PCDH15: variants seen among roughly 807,000 people sequenced by gnomAD.
The protein encoded by PCDH15 is protocadherin related 15.
PCDH15 carries 129 observed loss-of-function variants against 178.5 expected under a neutral mutation model. The observed-to-expected ratio is 0.72, with a 90% CI of 0.63 to 0.84. The LOEUF is 0.84. PCDH15 is among the 40% of genes least tolerant of loss of function. The pLI, the probability that PCDH15 is intolerant of heterozygous loss-of-function variation, is 0.00. For synonymous variants in PCDH15, 800 were observed against 732.0 expected (o/e 1.09, Z -1.50); for missense variants, 2,230 against 2,099.9 (o/e 1.06, Z -1.21).
intron 1 of PCDH15, among the ~76,000 whole-genome samples, chr10:55,248,962 G>A (rs1247105625): frequency 2.6e-5 from 4 of 152,096 alleles, no homozygotes; most frequent in African/African-American, 9.7e-5. Context: ...TATGGATGAG[G>A]GAGAGTCTAG....
At chr10:55,281,187 A>G (rs1178441596) in intron 1 of PCDH15, among the ~76,000 whole-genome samples, 5 of 152,212 alleles carry the variant, frequency 3.3e-5, no homozygotes, top group Admixed American at 3.3e-4. Flanking sequence ...GAAGCCACTC[A>G]GAAATTCAGA....
chr10:54,561,787 G>GA (rs1243456588), intron 2 of PCDH15, among the ~76,000 whole-genome samples: 1 of 151,412 alleles, frequency 6.6e-6, no homozygotes, highest in Non-Finnish European at 1.5e-5. Flanking sequence ...TCATTAAAAT[G>GA]AAAAAAACCT....
intron 2 of PCDH15, among the ~76,000 whole-genome samples, chr10:54,573,113 T>A (rs1316172882): frequency 2.0e-5 from 3 of 152,144 alleles, no homozygotes. Context: ...CATATCAATT[T>A]ATACATGCGT....
chr10:55,151,947 A>T (rs1384822469), intron 2 of PCDH15, among the ~76,000 whole-genome samples: 1 of 152,036 alleles, frequency 6.6e-6, no homozygotes, highest in East Asian at 1.9e-4. Context: ...GAGGTAAATC[A>T]GGGAAGAAGT....
At chr10:55,467,966 C>CAAAAAAAAAAAAAAAAAAAAAAAAAAAAA (rs71463104) in intron 2 of PCDH15, among the ~76,000 whole-genome samples, 5 of 36,636 alleles carry the variant, frequency 1.4e-4, no homozygotes, top group African/African-American at 1.5e-4. Context: ...GACTCCGTCT[C>CAAAAAAAAAAAAAAAAAAAAAAAAAAAAA]AAAAAAAAAA....
At chr10:54,282,545 A>C (rs2058765687) in intron 8 of PCDH15, among the ~76,000 whole-genome samples, 2 of 152,130 alleles carry the variant, frequency 1.3e-5, no homozygotes, top group South Asian at 4.1e-4. Flanking sequence ...ATTTAACAGT[A>C]TAATGCTTCT....
chr10:54,657,448 A>G (rs566495429), intron 2 of PCDH15, among the ~76,000 whole-genome samples: 31 of 152,320 alleles, frequency 2.0e-4, no homozygotes, highest in African/African-American at 7.5e-4. Context: ...AGAGTAAAAT[A>G]GAATACCTGT....
chr10:54,083,476 C>T (rs1380759048), intron 16 of PCDH15, among the ~76,000 whole-genome samples: 1 of 152,122 alleles, frequency 6.6e-6, no homozygotes, highest in East Asian at 1.9e-4. Context: ...GCACATGTTG[C>T]AAGACAGACG....
At chr10:55,222,742 TATATATATATATA>T (rs1252857750) in intron 1 of PCDH15, among the ~76,000 whole-genome samples, 15 of 119,192 alleles carry the variant, frequency 1.3e-4, no homozygotes, top group Admixed American at 9.5e-4. Flanking sequence ...TATATATATA[TATATATATATATA>T]TATATATATA....
chr10:54,852,653 C>T (rs906445231), intron 3 of PCDH15, among the ~76,000 whole-genome samples: 2 of 150,148 alleles, frequency 1.3e-5, no homozygotes, highest in Non-Finnish European at 3.0e-5. Flanking sequence ...GAGTTCAAGA[C>T]CAACTTGGCT....
chr10:54,185,845 T>A (rs1355163111), intron 11 of PCDH15, among the ~76,000 whole-genome samples: 1 of 152,072 alleles, frequency 6.6e-6, no homozygotes, highest in Non-Finnish European at 1.5e-5. Context: ...GGAAACATGT[T>A]TACTTTAATT....
chr10:53,903,449 C>T lies in PCDH15; in HGVS notation c.3374-79G>A. On this transcript the variant is annotated intron_variant, in intron 25 of 37. Coordinates refer to ENST00000644397, the MANE Select transcript of PCDH15 (RefSeq NM_001384140.1). The stretch of plus-strand genomic sequence containing the variant: ...AATGCACTGAAGTAAATATTTGCTG[C>T]ACTTTTTTTTGGAAACATTGAAAAT... 2.6e-6 allele frequency: 4 copies of T among 1,535,240 alleles called. No individual in the cohort carries two copies. In the East Asian group the frequency reaches 6.8e-5, roughly 26 times the overall value.
At chr10:55,003,836 T>A (rs1839857884) in intron 2 of PCDH15, among the ~76,000 whole-genome samples, 1 of 152,238 alleles carries the variant, frequency 6.6e-6, no homozygotes, top group African/African-American at 2.4e-5. Flanking sequence ...GGCCTGTGGT[T>A]AAGTTGACAA....
chr10:55,049,699 TATA>T (rs1284896344), intron 2 of PCDH15, among the ~76,000 whole-genome samples: 3 of 152,034 alleles, frequency 2.0e-5, no homozygotes, highest in Non-Finnish European at 2.9e-5. Flanking sequence ...TTAGTTAACT[TATA>T]AAACAGTGTT....
At chr10:54,651,267 G>A (rs2094253864) in intron 2 of PCDH15, among the ~76,000 whole-genome samples, 1 of 152,146 alleles carries the variant, frequency 6.6e-6, no homozygotes, top group South Asian at 2.1e-4. Context: ...AGAATACAAT[G>A]TGAGTAAACA....
chr10:55,468,779 G>T (rs1016614171), intron 2 of PCDH15, among the ~76,000 whole-genome samples: 1 of 151,942 alleles, frequency 6.6e-6, no homozygotes, highest in African/African-American at 2.4e-5. Flanking sequence ...AAATTAACAG[G>T]GTTTTTTACT....
chr10:54,744,951 T>C (rs1016529292), intron 1 of PCDH15, among the ~76,000 whole-genome samples: 13 of 152,060 alleles, frequency 8.5e-5, no homozygotes, highest in Non-Finnish European at 1.9e-4. Flanking sequence ...TGTGTGTGAA[T>C]GTTTCTCACA....
chr10:54,822,154 G>T (rs1269881549), intron 3 of PCDH15, among the ~76,000 whole-genome samples: 1 of 152,070 alleles, frequency 6.6e-6, no homozygotes, highest in African/African-American at 2.4e-5. Flanking sequence ...TTATTTATTT[G>T]TGTTGGTAAC....
intron 2 of PCDH15, among the ~76,000 whole-genome samples, chr10:55,586,872 GTATT>G (rs1359181027): frequency 5.3e-5 from 8 of 152,036 alleles, no homozygotes; most frequent in African/African-American, 1.9e-4. Context: ...CAATAGAAGT[GTATT>G]TATTCATGCA....
Sources: gnomAD v4.1 joint callset for allele counts (sites outside exome capture counted in the v4.1 genomes callset) on GRCh38, gnomAD v4.1.1 for gene constraint, MANE v1.5 for transcripts, NCBI Gene and HGNC (gene_info 2026-07-23, HGNC 2026-07-21) for gene names.